The following B3GAT1 variants were observed in gnomAD, a reference collection of about 807,000 sequenced individuals.
B3GAT1 encodes galactosylgalactosylxylosylprotein 3-beta-glucuronosyltransferase 1.
B3GAT1 carries 11 observed loss-of-function variants against 28.4 expected under a neutral mutation model. That is an observed-to-expected ratio of 0.39 (90% confidence interval 0.24 to 0.64). The LOEUF (loss-of-function observed/expected upper bound fraction) is 0.64, where lower values mean the gene tolerates loss of function less well. Among genes scored for constraint, B3GAT1 ranks in the 30% least tolerant of loss-of-function variants. The probability of loss-of-function intolerance (pLI) is 0.50; values close to 1 mark genes in which losing one functional copy is unlikely to be tolerated. For synonymous variants in B3GAT1, 255 were observed against 223.1 expected, an observed-to-expected ratio of 1.14 and a Z score of -1.27; for missense variants, 375 against 491.0, an observed-to-expected ratio of 0.76 and a Z score of 2.23.
intron 1 of B3GAT1, among the ~76,000 whole-genome samples, chr11:134,397,766 G>A (rs1320512093): frequency 1.3e-5 from 2 of 152,226 alleles, no homozygotes; most frequent in East Asian, 3.8e-4. Flanking sequence ...GCTGTCAACT[G>A]CTCCCTTGCC....
At chr11:134,392,469 A>C (rs1021234561) in intron 1 of B3GAT1, 1 of 152,150 alleles carries the variant, frequency 6.6e-6, no homozygotes, top group Non-Finnish European at 1.5e-5. Flanking sequence ...TCCGGAACTC[A>C]AGTGATCCTC....
At chr11:134,397,909 G>A (rs991264721) in intron 1 of B3GAT1, among the ~76,000 whole-genome samples, 6 of 152,116 alleles carry the variant, frequency 3.9e-5, no homozygotes, top group African/African-American at 9.7e-5. Flanking sequence ...GTTTGGTCCC[G>A]GTGTCCCCTC....
At chr11:134,404,971 C>T (rs1310942992) in intron 1 of B3GAT1, among the ~76,000 whole-genome samples, 1 of 152,170 alleles carries the variant, frequency 6.6e-6, no homozygotes, top group Non-Finnish European at 1.5e-5. Flanking sequence ...TGCAACTGGC[C>T]GGTCCCTTGG....
At chr11:134,407,250 T>C (rs1049210002) in intron 1 of B3GAT1, among the ~76,000 whole-genome samples, 2 of 152,172 alleles carry the variant, frequency 1.3e-5, no homozygotes, top group African/African-American at 4.8e-5. Context: ...AGAGGCCAGA[T>C]TGCTCACCTG....
chr11:134,397,341 ACT>A (rs1944524898), intron 1 of B3GAT1, among the ~76,000 whole-genome samples: 1 of 152,046 alleles, frequency 6.6e-6, no homozygotes, highest in African/African-American at 2.4e-5. Context: ...CCAGCCTGGC[ACT>A]CAGGGATGCC....
intron 5 of B3GAT1, among the ~76,000 whole-genome samples, chr11:134,381,165 T>C (rs1471316575): frequency 6.6e-6 from 1 of 152,184 alleles, no homozygotes; most frequent in Non-Finnish European, 1.5e-5. Context: ...AATGCCTGGC[T>C]TTGCCAACCA....
chr11:134,383,767 G>T lies in B3GAT1; in HGVS notation c.534C>A (p.Arg178=). The part of the protein sequence containing the change: ...MQRNLALRWL[R]ETFPRNSSQP... ...GGCTGGAGTTGCGCGGGAAGGTCTC[G>T]CGCAGCCAGCGCAGGGCCAGGTTGC... The change falls in exon 3 of 6, where the codon CGC becomes CGA. Residue 178 remains arginine, a synonymous_variant. Transcript: ENST00000312527. 6.3e-7 allele frequency: 1 copy of T among 1,594,650 alleles called. No homozygotes were observed. Among genetic ancestry groups the T allele is most frequent in the Non-Finnish European group, 8.5e-7 (1 of 1,170,006 alleles).
chr11:134,403,346 A>G (rs1944657830), intron 1 of B3GAT1, among the ~76,000 whole-genome samples: 1 of 152,092 alleles, frequency 6.6e-6, no homozygotes, highest in African/African-American at 2.4e-5. Flanking sequence ...TGCCTGGGAC[A>G]TGCTTCCCTC....
At position 134,384,115 on chromosome 11, in the gene B3GAT1, G is replaced by A. The variant is rs768096424; in HGVS notation, c.186C>T (p.Asp62=). 3.8e-6 allele frequency: 6 copies of A among 1,587,646 alleles called. No individual in the cohort carries two copies. In the East Asian group the frequency reaches 9.0e-5, roughly 24 times the overall value. ...ACTCGGTGCGCACCACCTCCACGAT[G>A]TCGCGGTCAGACGTGCAGTACTCCC... ...DPREYCTSDR[D]IVEVVRTEYV... Residue 62 remains aspartate (D), a synonymous_variant, in exon 3 of 6, where the codon GAC becomes GAT. Coordinates refer to ENST00000312527, the MANE Select transcript of B3GAT1 (RefSeq NM_054025.3).
chr11:134,394,324 G>A (rs531056229), intron 1 of B3GAT1, among the ~76,000 whole-genome samples: 1 of 152,336 alleles, frequency 6.6e-6, no homozygotes, highest in South Asian at 2.1e-4. Context: ...TTTTGCATGT[G>A]AGGACACCAA....
Position 134,384,121 on chromosome 11 carries a change from G to T in B3GAT1, c.180C>A (p.Asp60Glu). 1 of 1,586,430 alleles carries T rather than the reference G, an allele frequency of 6.3e-7. No homozygotes were observed. Residue 60 changes from aspartate (D) to glutamate (E), a missense_variant, in exon 3 of 6, where the codon GAC (aspartate) becomes GAA (glutamate). Coordinates refer to ENST00000312527, the MANE Select transcript of B3GAT1 (RefSeq NM_054025.3). ...TGCGCACCACCTCCACGATGTCGCG[G>T]TCAGACGTGCAGTACTCCCTGGGGT... ...GADPREYCTS[D>E]RDIVEVVRTE...
chr11:134,383,041 A>G (rs2136302494), intron 3 of B3GAT1, 35 bp from the exon 4 acceptor site: 1 of 1,506,790 alleles, frequency 6.6e-7, no homozygotes, highest in Non-Finnish European at 8.9e-7. Context: ...GGGCGCCGGC[A>G]CTGCAGATGA....
Position 134,378,849 on chromosome 11 carries a change from C to G in B3GAT1, c.*1913G>C, listed in dbSNP as rs1212727439. The G allele has an allele frequency of 6.6e-6, 1 of 152,230 alleles. No individual in the cohort carries two copies. Among genetic ancestry groups the G allele is most frequent in the Non-Finnish European group, 1.5e-5 (1 of 68,048 alleles). The allele number at this position is 152,230 out of a possible 1,614,324, so 9.4% of individuals were successfully genotyped here. On this transcript the variant is annotated 3_prime_UTR_variant, in exon 6 of 6. Transcript: ENST00000312527. ...GTGAAAACAACTGACCTAGCATCTG[C>G]CCAAAGAAGTCCCCATTTTGTTGTT...
intron 1 of B3GAT1, among the ~76,000 whole-genome samples, chr11:134,399,077 TC>T (rs899812737): frequency 3.9e-5 from 6 of 152,160 alleles, no homozygotes; most frequent in Admixed American, 3.9e-4. Context: ...ACTGCAGCCT[TC>T]ATGAGCTGGT....
intron 1 of B3GAT1, among the ~76,000 whole-genome samples, chr11:134,407,706 C>T (rs1487455456): frequency 9.9e-5 from 15 of 151,902 alleles, no homozygotes. Flanking sequence ...GGAGCTAAAC[C>T]TCATTAGAAA....
intron 1 of B3GAT1, chr11:134,389,515 T>C (rs1453123175): frequency 3.3e-5 from 5 of 152,462 alleles, no homozygotes; most frequent in Non-Finnish European, 7.3e-5. Flanking sequence ...GCAAGGACAC[T>C]GGGCGAAGAG....
Position 134,381,916 on chromosome 11 carries a change from G to A in B3GAT1, c.*14+8C>T, listed in dbSNP as rs778320974. Reference sequence around the variant, plus strand: ...CCAGTGTGTGGCCCACCCTCGTCATGCCCATACCTGCATCCTGAGGCTCAG... The same window carrying A: ...CCAGTGTGTGGCCCACCCTCGTCATACCCATACCTGCATCCTGAGGCTCAG... On this transcript the variant is annotated splice_region_variant and intron_variant, in intron 5 of 5. Coordinates refer to ENST00000312527, the MANE Select transcript of B3GAT1 (RefSeq NM_054025.3). The A allele has an allele frequency of 6.2e-7, 1 of 1,610,664 alleles. No individual in the cohort carries two copies.
intron 1 of B3GAT1, among the ~76,000 whole-genome samples, chr11:134,404,158 T>TA (rs1331261988): frequency 6.6e-6 from 1 of 151,732 alleles, no homozygotes; most frequent in African/African-American, 2.4e-5. Context: ...CTCCTAATGC[T>TA]ATCCCTCCCC....
intron 2 of B3GAT1, chr11:134,385,483 A>G (rs1480421465): frequency 6.6e-6 from 1 of 152,320 alleles, no homozygotes; most frequent in African/African-American, 2.4e-5. Context: ...ACCAGCACAC[A>G]CGCAGTCGCT....
Sources: allele counts gnomAD v4.1 joint callset (sites outside exome capture counted in the v4.1 genomes callset), GRCh38; gene constraint gnomAD v4.1.1; transcripts MANE v1.5; gene names NCBI Gene and HGNC (gene_info 2026-07-23, HGNC 2026-07-21).